NELL1: variants seen among roughly 807,000 people sequenced by gnomAD.
The protein encoded by NELL1 is protein kinase C-binding protein NELL1.
NELL1 carries 76 observed loss-of-function variants against 107.4 expected under a neutral mutation model. The ratio of observed to expected loss-of-function variants is 0.71; its 90% CI spans 0.59 to 0.86. The LOEUF (loss-of-function observed/expected upper bound fraction) is 0.86, where lower values mean the gene tolerates loss of function less well. Among genes scored for constraint, NELL1 ranks in the 40% least tolerant of loss-of-function variants. NELL1 has a pLI of 0.00. For missense variants in NELL1, 1,024 were observed against 1,005.5 expected (o/e 1.02, Z -0.25); for synonymous variants, 353 against 341.2 (o/e 1.03, Z -0.38).
intron 2 of NELL1, among the ~76,000 whole-genome samples, chr11:20,710,180 G>A (rs1348885404): frequency 6.6e-6 from 1 of 152,146 alleles, no homozygotes; most frequent in Non-Finnish European, 1.5e-5. Context: ...TAATGTAGGT[G>A]GTGGGTTTGT....
rs530261814 is a variant in NELL1 at position 21,409,080 on chromosome 11, G to T, written c.1645+38132G>T. Among the ~76,000 whole-genome samples the T allele has an allele frequency of 2.2e-3, 328 of 152,074 alleles. 4 individuals are homozygous for T. The highest frequency in any genetic ancestry group is 7.4e-3 in the African/African-American group (306 of 41,506). On this transcript the variant is annotated intron_variant, in intron 15 of 19. Transcript: ENST00000357134. ...ATTTGACCCAGCCATCCCATTACTGGGCATATACCCAAAGGACTATAAATC... is the reference window on the plus strand; with the variant it reads ...ATTTGACCCAGCCATCCCATTACTGTGCATATACCCAAAGGACTATAAATC...
At chr11:21,496,206 T>A (rs1490721341) in intron 15 of NELL1, among the ~76,000 whole-genome samples, 1 of 151,992 alleles carries the variant, frequency 6.6e-6, no homozygotes, top group African/African-American at 2.4e-5. Context: ...ACTATACATT[T>A]CCCTTAGGTT....
At chr11:20,766,919 T>C (rs1386201782) in intron 2 of NELL1, among the ~76,000 whole-genome samples, 1 of 152,084 alleles carries the variant, frequency 6.6e-6, no homozygotes, top group Non-Finnish European at 1.5e-5. Context: ...ATTTTTTGTA[T>C]TTTTAGTAAA....
intron 15 of NELL1, among the ~76,000 whole-genome samples, chr11:21,443,462 G>A (rs1257118075): frequency 6.6e-6 from 1 of 151,914 alleles, no homozygotes; most frequent in Non-Finnish European, 1.5e-5. Flanking sequence ...TATTGAATGA[G>A]TGCAGGATGT....
chr11:21,292,624 C>A (rs147218366), intron 14 of NELL1, among the ~76,000 whole-genome samples: 25 of 152,222 alleles, frequency 1.6e-4, no homozygotes, highest in African/African-American at 6.0e-4. Flanking sequence ...ATAGACAAGA[C>A]AATCCTAAGC....
chr11:21,114,145 G>A (rs778520909), intron 13 of NELL1, among the ~76,000 whole-genome samples: 3 of 152,032 alleles, frequency 2.0e-5, no homozygotes, highest in Admixed American at 2.0e-4. Flanking sequence ...GGTGGTCAAA[G>A]TTTAGGTATA....
chr11:20,818,257 G>A (rs1464145985), intron 3 of NELL1, among the ~76,000 whole-genome samples: 1 of 152,074 alleles, frequency 6.6e-6, no homozygotes, highest in African/African-American at 2.4e-5. Context: ...GTGAATCTGG[G>A]TGCTCCATTT....
At chr11:21,553,876 G>T (rs1429069545) in intron 16 of NELL1, among the ~76,000 whole-genome samples, 2 of 151,834 alleles carry the variant, frequency 1.3e-5, no homozygotes, top group Non-Finnish European at 2.9e-5. Flanking sequence ...ATTCTTTTCA[G>T]CAAAGGATGA....
At chr11:21,377,424 A>G (rs969837873) in intron 15 of NELL1, among the ~76,000 whole-genome samples, 3 of 152,112 alleles carry the variant, frequency 2.0e-5, no homozygotes, top group African/African-American at 7.2e-5. Context: ...TAACTTTTTC[A>G]TATCCTGTTG....
chr11:21,564,841 T>C (rs904807133), intron 17 of NELL1, among the ~76,000 whole-genome samples: 2 of 151,948 alleles, frequency 1.3e-5, no homozygotes, highest in Admixed American at 6.6e-5. Context: ...TGAGATTGTC[T>C]GGAATCATGG....
intron 15 of NELL1, among the ~76,000 whole-genome samples, chr11:21,520,269 C>G (rs972195431): frequency 6.6e-6 from 1 of 152,144 alleles, no homozygotes; most frequent in Non-Finnish European, 1.5e-5. Flanking sequence ...CTTCTAAATT[C>G]TCAGTTTAAG....
chr11:21,344,571 G>A (rs1850645251), intron 14 of NELL1, among the ~76,000 whole-genome samples: 1 of 152,078 alleles, frequency 6.6e-6, no homozygotes, highest in Admixed American at 6.5e-5. Flanking sequence ...AACATAAAAG[G>A]AATAGCAGTG....
chr11:21,417,929 T>TA (rs985578790), intron 15 of NELL1, among the ~76,000 whole-genome samples: 1 of 152,034 alleles, frequency 6.6e-6, no homozygotes, highest in African/African-American at 2.4e-5. Flanking sequence ...TATCTGCACC[T>TA]GGGGACTTTT....
At chr11:21,552,865 C>G (rs894722283) in intron 16 of NELL1, among the ~76,000 whole-genome samples, 1 of 151,760 alleles carries the variant, frequency 6.6e-6, no homozygotes, top group African/African-American at 2.4e-5. Flanking sequence ...TGTCTTAACT[C>G]CCCTACTAGG....
chr11:21,502,001 CCT>C (rs1158584222), intron 15 of NELL1, among the ~76,000 whole-genome samples: 2 of 152,166 alleles, frequency 1.3e-5, no homozygotes, highest in Non-Finnish European at 2.9e-5. Context: ...GCTTTGAAAT[CCT>C]CTGTCCTTGC....
intron 2 of NELL1, among the ~76,000 whole-genome samples, chr11:20,762,432 T>C (rs1199381611): frequency 6.6e-6 from 1 of 152,248 alleles, no homozygotes; most frequent in East Asian, 1.9e-4. Flanking sequence ...TGAGTTGTGG[T>C]GTGCCTGGAT....
chr11:21,560,046 A>C (rs1856811696), intron 16 of NELL1, 143 bp from the exon 17 acceptor site: 1 of 746,452 alleles, frequency 1.3e-6, no homozygotes, highest in African/African-American at 1.7e-5. Flanking sequence ...AGTGTAAATG[A>C]GATAATACAT....
chr11:21,013,519 AAAT>A (rs1852496686), intron 12 of NELL1, among the ~76,000 whole-genome samples: 3 of 152,128 alleles, frequency 2.0e-5, no homozygotes, highest in Non-Finnish European at 4.4e-5. Flanking sequence ...GCAGCTGCCT[AAAT>A]GGACTGCTGA....
At chr11:21,238,413 T>A (rs34466305) in intron 14 of NELL1, among the ~76,000 whole-genome samples, 50,499 of 151,872 alleles carry the variant, frequency 0.33, 8,464 homozygotes, top group Middle Eastern at 0.42. Context: ...ATAACTTCTA[T>A]TTTCTCAATA....
Sources: allele counts gnomAD v4.1 joint callset (sites outside exome capture counted in the v4.1 genomes callset), GRCh38; gene constraint gnomAD v4.1.1; transcripts MANE v1.5; gene names NCBI Gene and HGNC (gene_info 2026-07-23, HGNC 2026-07-21).